Variants in LRMDA observed in about 807,000 individuals in gnomAD.
The protein encoded by LRMDA is leucine rich melanocyte differentiation associated, also known as leucine-rich melanocyte differentiation-associated protein.
In LRMDA, 18 loss-of-function variants were observed where a neutral mutation model predicts 29.8. The ratio of observed to expected loss-of-function variants is 0.60; its 90% CI spans 0.42 to 0.90. LRMDA has a LOEUF of 0.90. Ranked by LOEUF, LRMDA falls within the 40% of genes least tolerant of loss-of-function variation. The pLI, the probability that LRMDA is intolerant of heterozygous loss-of-function variation, is 0.00. For missense variants in LRMDA, 273 were observed against 273.9 expected (o/e 1.00, Z 0.02); for synonymous variants, 125 against 109.4 (o/e 1.14, Z -0.89).
intron 2 of LRMDA, among the ~76,000 whole-genome samples, chr10:75,792,480 G>A (rs779886197): frequency 2.6e-5 from 4 of 152,186 alleles, no homozygotes; most frequent in Non-Finnish European, 5.9e-5. Flanking sequence ...GTCCAGGCTG[G>A]TCTCGATCTG....
At chr10:76,006,105 G>T (rs974073301) in intron 2 of LRMDA, among the ~76,000 whole-genome samples, 8 of 151,996 alleles carry the variant, frequency 5.3e-5, no homozygotes, top group Non-Finnish European at 1.2e-4. Context: ...AAAGTTGATG[G>T]GGCAGAGGCC....
chr10:75,786,008 G>C (rs547367577), intron 2 of LRMDA, among the ~76,000 whole-genome samples: 155 of 152,216 alleles, frequency 1.0e-3, no homozygotes, highest in Non-Finnish European at 1.9e-3. Flanking sequence ...AATATTTATC[G>C]GGCACATGCT....
chr10:76,374,005 G>T (rs144217140), intron 6 of LRMDA, among the ~76,000 whole-genome samples: 1 of 152,306 alleles, frequency 6.6e-6, no homozygotes, highest in Non-Finnish European at 1.5e-5. Flanking sequence ...AAATATAGGT[G>T]CTGAAAGCAA....
intron 5 of LRMDA, among the ~76,000 whole-genome samples, chr10:76,201,037 G>A (rs922419927): frequency 2.7e-5 from 4 of 148,298 alleles, no homozygotes; most frequent in East Asian, 2.0e-4. Context: ...ATTTCGTAAC[G>A]CTTAGTGACC....
In LRMDA at chr10:75,501,924, G is replaced by A. The variant is rs150462643; in HGVS notation, c.131+63430G>A. ...TCCTCCCACCTCAGTCTCCCAAAGT[G>A]CTGGGGTTACAGACATGAGCCACTG... On this transcript the variant is annotated intron_variant, in intron 2 of 6. Coordinates refer to ENST00000611255, the MANE Select transcript of LRMDA (RefSeq NM_001305581.2). Among the ~76,000 whole-genome samples the A allele has an allele frequency of 1.4e-3, 218 of 152,300 alleles. 1 individual carries two copies. Among genetic ancestry groups the A allele is most frequent in the African/African-American group, 4.7e-3 (195 of 41,566 alleles).
intron 5 of LRMDA, among the ~76,000 whole-genome samples, chr10:76,164,899 G>A (rs1269993002): frequency 6.6e-6 from 1 of 152,136 alleles, no homozygotes; most frequent in Non-Finnish European, 1.5e-5. Flanking sequence ...GTGAACAAAG[G>A]GCACGTGTAT....
intron 5 of LRMDA, among the ~76,000 whole-genome samples, chr10:76,107,467 G>A (rs1849506098): frequency 6.6e-6 from 1 of 152,178 alleles, no homozygotes; most frequent in African/African-American, 2.4e-5. Context: ...GGCAGTCTGG[G>A]CCTTTTGAGG....
At chr10:75,723,577 A>G (rs1368138396) in intron 2 of LRMDA, among the ~76,000 whole-genome samples, 1 of 152,214 alleles carries the variant, frequency 6.6e-6, no homozygotes, top group Non-Finnish European at 1.5e-5. Context: ...CCCAGCTCCA[A>G]TGGGTGTTCA....
At chr10:76,423,295 G>A (rs1285456404) in intron 6 of LRMDA, among the ~76,000 whole-genome samples, 18 of 152,286 alleles carry the variant, frequency 1.2e-4, no homozygotes, top group Non-Finnish European at 7.3e-5. Context: ...TTGTGAGGCT[G>A]AGGTGGGAGG....
chr10:75,783,485 CAAA>C (rs55852739), intron 2 of LRMDA, among the ~76,000 whole-genome samples: 10 of 70,486 alleles, frequency 1.4e-4, no homozygotes, highest in Admixed American at 2.8e-4. Context: ...TGCTCAGAGG[CAAA>C]AAAAAAAAAA....
chr10:75,549,409 A>G (rs1450529637), intron 2 of LRMDA, among the ~76,000 whole-genome samples: 1 of 152,086 alleles, frequency 6.6e-6, no homozygotes, highest in East Asian at 1.9e-4. Flanking sequence ...CCTGGAACCA[A>G]TCTCCCATAC....
intron 2 of LRMDA, among the ~76,000 whole-genome samples, chr10:75,936,405 T>C (rs1361321841): frequency 6.6e-6 from 1 of 152,196 alleles, no homozygotes; most frequent in Non-Finnish European, 1.5e-5. Flanking sequence ...ATTCTCTTCC[T>C]GGTATATAAT....
chr10:76,048,688 T>C lies in LRMDA; in HGVS notation c.398+1385T>C, dbSNP rs1273111846. ...ATTACAACACAACAGTCCATAGGTG[T>C]TTCTGATGTCCAGTTGGCTTTAGAA... is the stretch of plus-strand genomic sequence containing the variant. On this transcript the variant is annotated intron_variant, in intron 4 of 6. Coordinates refer to ENST00000611255, the MANE Select transcript of LRMDA (RefSeq NM_001305581.2). 2.6e-5 allele frequency among the ~76,000 whole-genome samples: 4 copies of C among 152,310 alleles called. No homozygotes were observed. In the East Asian group the frequency reaches 7.7e-4, roughly 29 times the overall value.
At chr10:75,562,308 T>A (rs1840308490) in intron 2 of LRMDA, among the ~76,000 whole-genome samples, 1 of 152,116 alleles carries the variant, frequency 6.6e-6, no homozygotes, top group Non-Finnish European at 1.5e-5. Flanking sequence ...TCTCTTTTGA[T>A]CTTTGTTGGT....
intron 3 of LRMDA, among the ~76,000 whole-genome samples, chr10:76,046,907 T>C (rs911231535): frequency 6.6e-6 from 1 of 152,238 alleles, no homozygotes; most frequent in African/African-American, 2.4e-5. Flanking sequence ...AAGAAAAATA[T>C]GATGGGACAA....
At chr10:76,200,924 C>A (rs1851414835) in intron 5 of LRMDA, among the ~76,000 whole-genome samples, 1 of 151,216 alleles carries the variant, frequency 6.6e-6, no homozygotes, top group Non-Finnish European at 1.5e-5. Flanking sequence ...GCCATGTTGG[C>A]CAGGCTGGTC....
chr10:75,964,419 A>G (rs1846820991), intron 2 of LRMDA, among the ~76,000 whole-genome samples: 1 of 152,244 alleles, frequency 6.6e-6, no homozygotes, highest in Non-Finnish European at 1.5e-5. Context: ...ATAAAATCAG[A>G]CATTAGATGA....
At position 75,918,301 on chromosome 10, in the gene LRMDA, T is replaced by C. The variant is rs1463423470; in HGVS notation, c.132-117707T>C. 2.0e-5 allele frequency among the ~76,000 whole-genome samples: 3 copies of C among 152,124 alleles called. No homozygotes were observed. In the South Asian group the frequency reaches 6.2e-4, roughly 32 times the overall value. On this transcript the variant is annotated intron_variant, in intron 2 of 6. Transcript: ENST00000611255. ...TTTGAGACTGGGTAATTTATTTTTTTAAAAAGAGCCTTAGTTGGCTCACAG... is the reference window on the plus strand; with the variant it reads ...TTTGAGACTGGGTAATTTATTTTTTCAAAAAGAGCCTTAGTTGGCTCACAG...
At chr10:76,473,218 T>TA (rs1256107519) in intron 6 of LRMDA, among the ~76,000 whole-genome samples, 3 of 151,256 alleles carry the variant, frequency 2.0e-5, no homozygotes, top group Non-Finnish European at 4.4e-5. Context: ...CAAAACCAAT[T>TA]AACATAATAC....
Sources: gnomAD v4.1 joint callset for allele counts (sites outside exome capture counted in the v4.1 genomes callset) on GRCh38, gnomAD v4.1.1 for gene constraint, MANE v1.5 for transcripts, NCBI Gene and HGNC (gene_info 2026-07-23, HGNC 2026-07-21) for gene names.